Variants in IPCEF1 observed in about 807,000 individuals in gnomAD.
IPCEF1 encodes the protein interaction protein for cytohesin exchange factors 1, also known as interactor protein for cytohesin exchange factors 1.
Under a neutral mutation model 50.9 loss-of-function variants are expected in IPCEF1, and 31 were observed. The ratio of observed to expected loss-of-function variants is 0.61; its 90% CI spans 0.46 to 0.82. IPCEF1 has a LOEUF of 0.82. IPCEF1 is among the 40% of genes least tolerant of loss of function. IPCEF1 has a pLI of 0.00. For missense variants in IPCEF1, 458 were observed against 514.0 expected, an observed-to-expected ratio of 0.89 and a Z score of 1.05; for synonymous variants, 181 against 192.0, an observed-to-expected ratio of 0.94 and a Z score of 0.47.
intron 1 of IPCEF1, among the ~76,000 whole-genome samples, chr6:154,328,088 G>C (rs950659527): frequency 7.2e-5 from 11 of 152,082 alleles, no homozygotes; most frequent in African/African-American, 2.7e-4. Flanking sequence ...GGGAGGGGGA[G>C]CATCAGGAAG....
chr6:154,319,132 G>A (rs1395542338), intron 1 of IPCEF1, among the ~76,000 whole-genome samples: 4 of 152,152 alleles, frequency 2.6e-5, no homozygotes, highest in Non-Finnish European at 5.9e-5. Context: ...GTGCGTGAAT[G>A]AAGTATATTA....
intron 2 of IPCEF1, among the ~76,000 whole-genome samples, chr6:154,284,774 G>A (rs148024590): frequency 1.4e-4 from 22 of 152,266 alleles, no homozygotes; most frequent in Non-Finnish European, 2.9e-4. Context: ...GGCCGAGGCG[G>A]GTGGACCACA....
At chr6:154,294,391 C>G (rs951532524) in intron 1 of IPCEF1, among the ~76,000 whole-genome samples, 7 of 152,106 alleles carry the variant, frequency 4.6e-5, no homozygotes, top group Admixed American at 3.3e-4. Context: ...CACAGAAACA[C>G]CAATGATAAA....
chr6:154,354,832 T>C (rs1233432829), intron 1 of IPCEF1, among the ~76,000 whole-genome samples: 2 of 152,174 alleles, frequency 1.3e-5, no homozygotes, highest in Non-Finnish European at 2.9e-5. Flanking sequence ...GATAAAGCAA[T>C]GGCTTTCCTA....
intron 1 of IPCEF1, among the ~76,000 whole-genome samples, chr6:154,354,384 A>G (rs1023090031): frequency 6.4e-5 from 5 of 77,602 alleles, no homozygotes; most frequent in Non-Finnish European, 1.3e-4. Flanking sequence ...TGTCACCTCC[A>G]CCGTCACCTC....
chr6:154,331,405 A>AAGAAAGAAAGAGAG (rs60403800), intron 1 of IPCEF1, among the ~76,000 whole-genome samples: 2 of 92,948 alleles, frequency 2.2e-5, no homozygotes, highest in South Asian at 3.5e-4. Flanking sequence ...GAAAGAAAGA[A>AAGAAAGAAAGAGAG]AGAGAGAGAA....
At chr6:154,340,604 G>A (rs1783890412) in intron 1 of IPCEF1, among the ~76,000 whole-genome samples, 1 of 151,780 alleles carries the variant, frequency 6.6e-6, no homozygotes, top group Non-Finnish European at 1.5e-5. Context: ...ATGTAAGAAG[G>A]GCCAGGCGCG....
At chr6:154,160,289 A>G (rs534245371) in intron 11 of IPCEF1, among the ~76,000 whole-genome samples, 3 of 152,288 alleles carry the variant, frequency 2.0e-5, no homozygotes, top group African/African-American at 7.2e-5. Context: ...AAGATCTTCT[A>G]TGTTGCCTTT....
At position 154,158,276 on chromosome 6, in the gene IPCEF1, A is replaced by G. The variant is rs1156907066; in HGVS notation, c.*1552T>C. 6.6e-6 allele frequency: 1 copy of G among 152,220 alleles called. No individual in the cohort carries two copies. The highest frequency in any genetic ancestry group is 2.1e-4 in the South Asian group (1 of 4,832). 9.4% of individuals were successfully genotyped at this position (152,220 alleles called of 1,614,324 possible). A position where few individuals can be genotyped will look rare whatever the true frequency, so the allele number is the denominator to read the frequency against. On this transcript the variant is annotated 3_prime_UTR_variant, in exon 12 of 12. Transcript: ENST00000367220. ...CAATTTGTTACGGGTAGGCAGGGCC[A>G]ACATGGGTACTTGGTGGGTTGTGGT...
intron 6 of IPCEF1, chr6:154,222,900 T>G: frequency 4.3e-6 from 2 of 466,006 alleles, no homozygotes; most frequent in South Asian, 2.7e-5. Flanking sequence ...CTGGAGGGGG[T>G]TTATTCCATC....
At chr6:154,332,628 A>G (rs1783699760) in intron 1 of IPCEF1, among the ~76,000 whole-genome samples, 1 of 152,224 alleles carries the variant, frequency 6.6e-6, no homozygotes, top group South Asian at 2.1e-4. Flanking sequence ...TTCTGCTTGA[A>G]TTCCTACATC....
At position 154,307,113 on chromosome 6, in the gene IPCEF1, C is replaced by T. The variant is rs79265137; in HGVS notation, c.-61-17357G>A. 3.9e-3 allele frequency among the ~76,000 whole-genome samples: 587 copies of T among 152,248 alleles called. 3 individuals are homozygous for T. The highest frequency in any genetic ancestry group is 0.013 in the African/African-American group (559 of 41,552). On this transcript the variant is annotated intron_variant, in intron 1 of 11. Transcript: ENST00000367220. Reference sequence around the variant, plus strand: ...TAACTTAATTACTTTTCTAAAGGCCCTGCCTATCTCCAAATACAATCTGAT... The same window carrying T: ...TAACTTAATTACTTTTCTAAAGGCCTTGCCTATCTCCAAATACAATCTGAT...
chr6:154,238,153 A>T (rs997969204), intron 5 of IPCEF1, among the ~76,000 whole-genome samples: 2 of 152,274 alleles, frequency 1.3e-5, no homozygotes, highest in African/African-American at 4.8e-5. Flanking sequence ...TGACAACAGC[A>T]TCATGTATGA....
intron 10 of IPCEF1, among the ~76,000 whole-genome samples, chr6:154,182,885 G>A (rs556848500): frequency 1.3e-5 from 2 of 152,232 alleles, no homozygotes; most frequent in East Asian, 1.9e-4. Context: ...AACACTTCAG[G>A]TCAAGAACAG....
chr6:154,235,429 G>A (rs1780039713), intron 5 of IPCEF1, among the ~76,000 whole-genome samples: 1 of 151,606 alleles, frequency 6.6e-6, no homozygotes, highest in African/African-American at 2.4e-5. Context: ...CTACTCGAGA[G>A]GCTGAGCAGG....
At chr6:154,238,048 T>C (rs142828053) in intron 5 of IPCEF1, among the ~76,000 whole-genome samples, 8 of 152,336 alleles carry the variant, frequency 5.3e-5, no homozygotes, top group African/African-American at 1.9e-4. Flanking sequence ...CATATATGCA[T>C]ATATAATTCT....
rs1798815970 is a variant in IPCEF1, at chr6:154,158,847, A to G, written c.*981T>C. The G allele has an allele frequency of 6.6e-6, 1 of 152,260 alleles. No individual in the cohort carries two copies. The highest frequency in any genetic ancestry group is 1.5e-5 in the Non-Finnish European group (1 of 68,054). The allele number at this position is 152,260 out of a possible 1,614,324, so 9.4% of individuals were successfully genotyped here. A position where few individuals can be genotyped will look rare whatever the true frequency, so the allele number is the denominator to read the frequency against. ...GCTATTCACATAGCACACAAGTGAC[A>G]TATAAACATACAAAAATAAATCCCT... On this transcript the variant is annotated 3_prime_UTR_variant, in exon 12 of 12. Coordinates refer to ENST00000367220, the MANE Select transcript of IPCEF1 (RefSeq NM_001130700.2).
chr6:154,229,619 G>A (rs1391033131), intron 5 of IPCEF1, among the ~76,000 whole-genome samples: 2 of 151,954 alleles, frequency 1.3e-5, no homozygotes, highest in African/African-American at 4.8e-5. Flanking sequence ...GCCTCCCAAT[G>A]TGCTGGGATT....
At chr6:154,260,677 TGGC>T (rs1781575855) in intron 3 of IPCEF1, among the ~76,000 whole-genome samples, 1 of 152,154 alleles carries the variant, frequency 6.6e-6, no homozygotes, top group Non-Finnish European at 1.5e-5. Context: ...TTCATCATGT[TGGC>T]CAGGATGGTC....
Sources: gnomAD v4.1 joint callset for allele counts (sites outside exome capture counted in the v4.1 genomes callset) on GRCh38, gnomAD v4.1.1 for gene constraint, MANE v1.5 for transcripts, NCBI Gene and HGNC (gene_info 2026-07-23, HGNC 2026-07-21) for gene names.